BLM: variants seen among roughly 807,000 people sequenced by gnomAD.
The protein encoded by BLM is BLM RecQ like helicase.
A neutral mutation model predicts 135.3 loss-of-function variants in BLM; 95 were observed. The observed-to-expected ratio is 0.70, with a 90% CI of 0.59 to 0.83. BLM has a LOEUF of 0.83. Ranked by LOEUF, BLM falls within the 40% of genes least tolerant of loss-of-function variation. BLM has a pLI of 0.00. For missense variants in BLM, 1,518 were observed against 1,663.9 expected (o/e 0.91, Z 1.53); for synonymous variants, 520 against 589.2 (o/e 0.88, Z 1.70).
rs747537954 is a variant in BLM, at chr15:90,769,195, A to G, written c.2370A>G (p.Ala790=). The change falls in exon 11 of 22, where the codon GCA becomes GCG. Residue 790 remains alanine (A), a synonymous_variant. Transcript: ENST00000355112. The stretch of plus-strand genomic sequence containing the variant: ...ATCTCTATGAGAGGAAGCTCTTGGC[A>G]CGTTTTGTTATTGATGAAGCACATT... The part of the protein sequence containing the change: ...LENLYERKLL[A]RFVIDEAHCV... The G allele has an allele frequency of 3.7e-6, 6 of 1,613,726 alleles. No individual in the cohort carries two copies. The highest frequency in any genetic ancestry group is 5.1e-6 in the Non-Finnish European group (6 of 1,179,676).
chr15:90,732,975 C>T (rs1895107729), intron 1 of BLM, among the ~76,000 whole-genome samples: 1 of 152,136 alleles, frequency 6.6e-6, no homozygotes, highest in Non-Finnish European at 1.5e-5. Flanking sequence ...CACCTGTAAT[C>T]CCAGCTACTC....
At chr15:90,793,572 A>G (rs1156716752) in intron 15 of BLM, among the ~76,000 whole-genome samples, 1 of 152,222 alleles carries the variant, frequency 6.6e-6, no homozygotes, top group Non-Finnish European at 1.5e-5. Flanking sequence ...TCTTTTTATC[A>G]TAGCAACTGC....
chr15:90,724,089 T>C (rs757410096), intron 1 of BLM, among the ~76,000 whole-genome samples: 2 of 152,224 alleles, frequency 1.3e-5, no homozygotes, highest in Non-Finnish European at 2.9e-5. Context: ...CGTTGCTCAC[T>C]GCAGCCTCTA....
intron 1 of BLM, among the ~76,000 whole-genome samples, chr15:90,724,057 G>A (rs1197681064): frequency 6.6e-6 from 1 of 151,888 alleles, no homozygotes; most frequent in Non-Finnish European, 1.5e-5. Context: ...CAGCTATCCA[G>A]GCTGGAGTGC....
intron 3 of BLM, among the ~76,000 whole-genome samples, chr15:90,751,503 T>G (rs1197857440): frequency 6.6e-6 from 1 of 152,224 alleles, no homozygotes; most frequent in Non-Finnish European, 1.5e-5. Flanking sequence ...ACTAGAAACG[T>G]CAATAGCAAA....
chr15:90,729,833 GATTTTTATTTTT>G (rs758213535), intron 1 of BLM, among the ~76,000 whole-genome samples: 4 of 152,102 alleles, frequency 2.6e-5, no homozygotes, highest in East Asian at 1.9e-4. Context: ...ATTCACTTAA[GATTTTTATTTTT>G]ATTTTTATTT....
intron 1 of BLM, among the ~76,000 whole-genome samples, chr15:90,724,649 AG>A (rs1442956983): frequency 6.6e-6 from 1 of 152,160 alleles, no homozygotes; most frequent in African/African-American, 2.4e-5. Flanking sequence ...CTAGATTATC[AG>A]CTTATTATAA....
At chr15:90,774,324 G>A (rs553677445) in intron 12 of BLM, among the ~76,000 whole-genome samples, 3 of 151,152 alleles carry the variant, frequency 2.0e-5, no homozygotes, top group African/African-American at 7.3e-5. Flanking sequence ...CACCCATCTC[G>A]ACCTCCCAAA....
At chr15:90,720,851 G>A (rs1008723590) in intron 1 of BLM, among the ~76,000 whole-genome samples, 1 of 151,974 alleles carries the variant, frequency 6.6e-6, no homozygotes, top group African/African-American at 2.4e-5. Flanking sequence ...ACGGAGTGCT[G>A]GGACTACAGG....
At chr15:90,722,154 G>A (rs756004982) in intron 1 of BLM, among the ~76,000 whole-genome samples, 6 of 151,740 alleles carry the variant, frequency 4.0e-5, no homozygotes, top group Admixed American at 1.3e-4. Context: ...CTCTCTCCCA[G>A]TCTGGAGTGC....
intron 1 of BLM, among the ~76,000 whole-genome samples, chr15:90,730,634 G>A (rs141943126): frequency 0.019 from 2,883 of 152,118 alleles, 101 homozygotes; most frequent in African/African-American, 0.064. Context: ...TTTAGGTAGA[G>A]ACAGGGTTTC....
At chr15:90,721,870 G>C (rs1446324076) in intron 1 of BLM, among the ~76,000 whole-genome samples, 1 of 151,172 alleles carries the variant, frequency 6.6e-6, no homozygotes, top group African/African-American at 2.4e-5. Context: ...GGCAGAGATT[G>C]CAGTGAGCCG....
intron 5 of BLM, among the ~76,000 whole-genome samples, chr15:90,759,252 A>G (rs1010306186): frequency 6.6e-6 from 1 of 152,042 alleles, no homozygotes; most frequent in Non-Finnish European, 1.5e-5. Context: ...CATATTTTAC[A>G]TATGTGACTT....
intron 19 of BLM, chr15:90,808,652 T>G: frequency 5.0e-6 from 1 of 200,450 alleles, no homozygotes; most frequent in South Asian, 8.9e-5. Context: ...GGGGAAAGAG[T>G]GGAGGAAGAA....
chr15:90,774,562 G>A (rs555486337), intron 12 of BLM, among the ~76,000 whole-genome samples: 11 of 151,056 alleles, frequency 7.3e-5, no homozygotes, highest in Middle Eastern at 3.5e-3. Context: ...GGCCAGGCTC[G>A]GTGGCTCATG....
At chr15:90,787,530 T>A (rs1567054615) in intron 14 of BLM, among the ~76,000 whole-genome samples, 1 of 152,214 alleles carries the variant, frequency 6.6e-6, no homozygotes, top group African/African-American at 2.4e-5. Flanking sequence ...TTGTTTTCTC[T>A]GGGAAAACAG....
chr15:90,798,220 G>A lies in BLM; in HGVS notation c.3241G>A (p.Val1081Met), dbSNP rs1897076868. The change falls in exon 17 of 22, where the codon GTG (valine) becomes ATG (methionine). Residue 1081 changes from valine to methionine, a missense_variant. Val to Met is a conservative substitution (Grantham distance 21, BLOSUM62 1). This residue lies in a region of BLM where 626 missense variants were observed against 681.1 expected (regional missense o/e 0.92). Transcript: ENST00000355112. ...TAAAACAAGAGATGTGACTGACGATGTGAAAAGTATTGTAAGATTTGTTCA... is the reference window on the plus strand; with the variant it reads ...TAAAACAAGAGATGTGACTGACGATATGAAAAGTATTGTAAGATTTGTTCA... ...DYKTRDVTDDVKSIVRFVQEH... is the reference protein window; with the variant it reads ...DYKTRDVTDDMKSIVRFVQEH... 1 of 1,609,082 alleles carries A rather than the reference G, an allele frequency of 6.2e-7. No individual in the cohort carries two copies. The highest frequency in any genetic ancestry group is 8.5e-7 in the Non-Finnish European group (1 of 1,176,134).
chr15:90,811,214 G>A lies in BLM; in HGVS notation c.3884G>A (p.Ser1295Asn), dbSNP rs2151199706. The A allele has an allele frequency of 1.2e-6, 2 of 1,613,262 alleles. No individual in the cohort carries two copies. The highest frequency in any genetic ancestry group is 1.3e-5 in the African/African-American group (1 of 75,006). ...YSEWTSPAED[S>N]SPGISLSSSR... ...CATTTTCCATTTGTAGCTGAAGACA[G>A]TTCCCCAGGGATAAGCCTGTCCAGC... The change falls in exon 21 of 22, where the codon AGT (serine) becomes AAT (asparagine). Residue 1295 changes from serine to asparagine, a missense_variant. Ser to Asn is a conservative substitution (Grantham distance 46, BLOSUM62 1). This residue lies in a region of BLM where 153 missense variants were observed against 173.4 expected (regional missense o/e 0.88). Coordinates refer to ENST00000355112, the MANE Select transcript of BLM (RefSeq NM_000057.4).
chr15:90,807,313 G>A (rs1596270657), intron 19 of BLM, among the ~76,000 whole-genome samples: 1 of 152,210 alleles, frequency 6.6e-6, no homozygotes, highest in Non-Finnish European at 1.5e-5. Context: ...CTTAGGTCAC[G>A]TAAAGCACTT....
Sources: gnomAD v4.1 joint callset for allele counts (sites outside exome capture counted in the v4.1 genomes callset) on GRCh38, gnomAD v4.1.1 for gene constraint, gnomAD v4.1.1 regional missense constraint, MANE v1.5 for transcripts, NCBI Gene and HGNC (gene_info 2026-07-23, HGNC 2026-07-21) for gene names.